PPP2CB: variants seen among roughly 807,000 people sequenced by gnomAD.
The protein encoded by PPP2CB is serine/threonine-protein phosphatase 2A catalytic subunit beta isoform.
Under a neutral mutation model 39.1 loss-of-function variants are expected in PPP2CB, and 18 were observed. The ratio of observed to expected loss-of-function variants is 0.46; its 90% confidence interval spans 0.32 to 0.68. The LOEUF (loss-of-function observed/expected upper bound fraction) is 0.68, where lower values mean the gene tolerates loss of function less well. Among genes scored for constraint, PPP2CB ranks in the 30% least tolerant of loss-of-function variants. PPP2CB has a pLI of 0.04. For missense variants in PPP2CB, 226 were observed against 396.9 expected (o/e 0.57, Z 3.66); for synonymous variants, 129 against 133.8 (o/e 0.96, Z 0.25).
intron 1 of PPP2CB, among the ~76,000 whole-genome samples, chr8:30,802,235 T>C (rs1047437308): frequency 3.9e-5 from 6 of 152,212 alleles, no homozygotes; most frequent in Non-Finnish European, 7.3e-5. Flanking sequence ...TTAAGGCCTT[T>C]ATACCCTTCA....
intron 6 of PPP2CB, among the ~76,000 whole-genome samples, chr8:30,789,811 A>G (rs920667067): frequency 2.0e-5 from 3 of 152,206 alleles, no homozygotes; most frequent in Non-Finnish European, 2.9e-5. Flanking sequence ...CGAACTGTAT[A>G]GCTTATACAA....
At chr8:30,787,791 A>T (rs1806368486) in intron 6 of PPP2CB, among the ~76,000 whole-genome samples, 1 of 151,854 alleles carries the variant, frequency 6.6e-6, no homozygotes, top group Admixed American at 6.6e-5. Flanking sequence ...CTGGTCTCAA[A>T]CTCCTAGTCT....
At chr8:30,804,002 T>C (rs1040563425) in intron 1 of PPP2CB, among the ~76,000 whole-genome samples, 2 of 152,116 alleles carry the variant, frequency 1.3e-5, no homozygotes, top group African/African-American at 2.4e-5. Flanking sequence ...TCTGTATTTT[T>C]AGTAGAGATG....
In PPP2CB at chr8:30,794,293, T is replaced by G; in HGVS notation, c.487-12A>C. The G allele has an allele frequency of 1.3e-6, 2 of 1,589,908 alleles. No individual in the cohort carries two copies. Among genetic ancestry groups the G allele is most frequent in the Admixed American group, 3.4e-5 (2 of 59,516 alleles). ...TGGAGGCAGAATATCTATGTATGAA[T>G]TAACAAAAGAGAATGTATTTGTTTT... On this transcript the variant is annotated splice_polypyrimidine_tract_variant and intron_variant, in intron 3 of 6. Transcript: ENST00000221138.
At position 30,794,248 on chromosome 8, in the gene PPP2CB, T is replaced by C. The variant is rs1375765914; in HGVS notation, c.520A>G (p.Ile174Val). The C allele has an allele frequency of 4.3e-6, 7 of 1,613,912 alleles. No individual in the cohort carries two copies. Among genetic ancestry groups the C allele is most frequent in the African/African-American group, 1.3e-5 (1 of 74,938 alleles). The change falls in exon 4 of 7, where the codon ATA (isoleucine) becomes GTA (valine). Residue 174 changes from isoleucine (I) to valine (V), a missense_variant. Transcript: ENST00000221138. The stretch of plus-strand genomic sequence containing the variant: ...GCTCTTATATGATCCAGTGTGTCTA[T>C]GGATGGAGAGAGGCCACCATGGAGG... ...FCLHGGLSPS[I>V]DTLDHIRALD... is the part of the protein sequence containing the mutation.
chr8:30,787,024 C>T (rs1806354019), intron 6 of PPP2CB, among the ~76,000 whole-genome samples: 2 of 151,980 alleles, frequency 1.3e-5, no homozygotes, highest in Non-Finnish European at 1.5e-5. Context: ...ATTTTTGTGC[C>T]TCTATTGAGA....
At chr8:30,798,566 T>G (rs988819936) in intron 2 of PPP2CB, among the ~76,000 whole-genome samples, 2 of 152,206 alleles carry the variant, frequency 1.3e-5, no homozygotes, top group African/African-American at 4.8e-5. Flanking sequence ...TTGTGTGCAG[T>G]AGGCTATACC....
At chr8:30,794,363 G>A (rs2097401493) in intron 3 of PPP2CB, 82 bp from the exon 4 acceptor site, 1 of 1,221,006 alleles carries the variant, frequency 8.2e-7, no homozygotes, top group African/African-American at 1.5e-5. Flanking sequence ...GGTTAAAAGT[G>A]TCAGTCCAAA....
At chr8:30,808,265 A>G (rs1246946319) in intron 1 of PPP2CB, among the ~76,000 whole-genome samples, 1 of 151,992 alleles carries the variant, frequency 6.6e-6, no homozygotes, top group Non-Finnish European at 1.5e-5. Context: ...TGCCCGGCTA[A>G]TTTTTTGTAT....
intron 6 of PPP2CB, among the ~76,000 whole-genome samples, chr8:30,790,469 G>T (rs1031653116): frequency 6.6e-6 from 1 of 152,192 alleles, no homozygotes; most frequent in African/African-American, 2.4e-5. Flanking sequence ...CTCAGATTTG[G>T]AATTCTCCAT....
At chr8:30,796,283 T>C (rs1190505910) in intron 3 of PPP2CB, among the ~76,000 whole-genome samples, 1 of 152,234 alleles carries the variant, frequency 6.6e-6, no homozygotes, top group Non-Finnish European at 1.5e-5. Flanking sequence ...AACCAAATTA[T>C]ATTCCCACGA....
chr8:30,797,677 A>G lies in PPP2CB; in HGVS notation c.390T>C (p.Tyr130=). 1 of 1,614,022 alleles carries G rather than the reference A, an allele frequency of 6.2e-7. No individual in the cohort carries two copies. Among genetic ancestry groups the G allele is most frequent in the Non-Finnish European group, 8.5e-7 (1 of 1,179,886 alleles). ...SRQITQVYGF[Y]DECLRKYGNA... Reference sequence around the variant, plus strand: ...TCCCATACTTTCGCAGACATTCATCATAAAAGCCATATACTTGGGTAATTT... The same window carrying G: ...TCCCATACTTTCGCAGACATTCATCGTAAAAGCCATATACTTGGGTAATTT... Residue 130 remains tyrosine (Y), a synonymous_variant, in exon 3 of 7, where the codon TAT becomes TAC. Transcript: ENST00000221138.
chr8:30,808,688 A>T (rs965184015), intron 1 of PPP2CB, among the ~76,000 whole-genome samples: 3 of 152,256 alleles, frequency 2.0e-5, no homozygotes, highest in South Asian at 4.1e-4. Flanking sequence ...AACTGCTATT[A>T]ATTCCAGTAC....
chr8:30,791,972 A>G (rs547186606), intron 5 of PPP2CB, among the ~76,000 whole-genome samples: 27 of 88,082 alleles, frequency 3.1e-4, no homozygotes, highest in African/African-American at 4.6e-4. Flanking sequence ...ATACGTGTGT[A>G]TATGTGTATA....
chr8:30,806,117 G>A (rs1038911645), intron 1 of PPP2CB, among the ~76,000 whole-genome samples: 11 of 149,456 alleles, frequency 7.4e-5, no homozygotes, highest in Admixed American at 6.7e-4. Context: ...GCGCGATCTC[G>A]GCTCACTGCA....
intron 1 of PPP2CB, 57 bp from the exon 2 acceptor site, chr8:30,799,812 T>G: frequency 6.7e-7 from 1 of 1,502,112 alleles, no homozygotes; most frequent in Non-Finnish European, 9.1e-7. Context: ...TCTTATCTAT[T>G]AAAAGAAAAT....
intron 1 of PPP2CB, among the ~76,000 whole-genome samples, chr8:30,803,148 T>C (rs1806653908): frequency 6.6e-6 from 1 of 152,220 alleles, no homozygotes; most frequent in Non-Finnish European, 1.5e-5. Flanking sequence ...TAGGACTTTA[T>C]AGGTATATTT....
chr8:30,786,431 C>G, intron 6 of PPP2CB, 124 bp from the exon 7 acceptor site: 1 of 732,016 alleles, frequency 1.4e-6, no homozygotes, highest in Admixed American at 3.0e-5. Flanking sequence ...ACATCACTTA[C>G]GGCTGGAATG....
rs1355395062 is a variant in PPP2CB at position 30,786,451 on chromosome 8, A to C, written c.858-144T>G. On this transcript the variant is annotated intron_variant, in intron 6 of 6. Coordinates refer to ENST00000221138, the MANE Select transcript of PPP2CB (RefSeq NM_001009552.2). Reference sequence around the variant, plus strand: ...ACTTACGGCTGGAATGGCCATGGGCAAATCACTGCAGATGCTCCCATTCCA... The same window carrying C: ...ACTTACGGCTGGAATGGCCATGGGCCAATCACTGCAGATGCTCCCATTCCA... 8 of 593,426 alleles carry C rather than the reference A, an allele frequency of 1.3e-5. No individual in the cohort carries two copies. The East Asian group carries it at 2.3e-4, about 17-fold the overall frequency. The allele number at this position is 593,426 out of a possible 1,614,324, so 36.8% of individuals were successfully genotyped here.
Sources: gnomAD v4.1 joint callset for allele counts (sites outside exome capture counted in the v4.1 genomes callset) on GRCh38, gnomAD v4.1.1 for gene constraint, MANE v1.5 for transcripts, NCBI Gene and HGNC (gene_info 2026-07-23, HGNC 2026-07-21) for gene names.